Variants in UNC119 observed in about 807,000 individuals in gnomAD.
UNC119 encodes protein unc-119 homolog A.
In UNC119, 15 loss-of-function variants were observed where a neutral mutation model predicts 22.6. The ratio of observed to expected loss-of-function variants is 0.66; its 90% CI spans 0.44 to 1.02. UNC119 has a LOEUF of 1.02. UNC119 is among the 50% of genes least tolerant of loss of function. UNC119 has a pLI of 0.00. For missense variants in UNC119, 322 were observed against 336.0 expected (o/e 0.96, Z 0.33); for synonymous variants, 138 against 139.4 (o/e 0.99, Z 0.07).
At chr17:28,552,273 C>T (rs561447920) in intron 1 of UNC119, 65 bp downstream of exon 1, 3 of 1,449,806 alleles carry the variant, frequency 2.1e-6, no homozygotes, top group Non-Finnish European at 9.3e-7. Context: ...CTTGGCGCGC[C>T]GGGAGGGCCC....
Position 28,548,124 on chromosome 17 carries a change from C to T in UNC119, c.335-23G>A, listed in dbSNP as rs187594391. On this transcript the variant is annotated intron_variant, in intron 2 of 4. Transcript: ENST00000335765. ...GTTCTGCAATGTACCCCAGCTGGGGCTCAGTGGGCTTCAGGCTGGGCCCTT... is the reference window on the plus strand; with the variant it reads ...GTTCTGCAATGTACCCCAGCTGGGGTTCAGTGGGCTTCAGGCTGGGCCCTT... 2.4e-4 allele frequency: 388 copies of T among 1,597,922 alleles called. No individual in the cohort carries two copies. In the African/African-American group the frequency reaches 4.5e-3, roughly 19 times the overall value.
At chr17:28,548,159 G>C (rs2070232237) in intron 2 of UNC119, 58 bp from the exon 3 acceptor site, 1 of 1,521,284 alleles carries the variant, frequency 6.6e-7, no homozygotes, top group African/African-American at 1.4e-5. Flanking sequence ...TGTCCACCCA[G>C]GGTTCTACCC....
At chr17:28,547,951 C>T (rs1315036080) in intron 3 of UNC119, 48 bp downstream of exon 3, 1 of 1,613,060 alleles carries the variant, frequency 6.2e-7, no homozygotes, top group Non-Finnish European at 8.5e-7. Flanking sequence ...AGGGCCCACT[C>T]ACACCCTCTC....
chr17:28,551,029 C>T (rs947077176), intron 1 of UNC119: 1 of 152,286 alleles, frequency 6.6e-6, no homozygotes, highest in Non-Finnish European at 1.5e-5. Flanking sequence ...GAGCTCAGTA[C>T]TCTGGGGGCC....
Position 28,549,153 on chromosome 17 carries a change from G to A in UNC119, c.221-448C>T, listed in dbSNP as rs80068005. The A allele has an allele frequency of 8.7e-3, 1,493 of 171,408 alleles. 17 individuals carry two copies. The highest frequency in any genetic ancestry group is 0.031 in the African/African-American group (1,295 of 42,012). 10.6% of individuals were successfully genotyped at this position (171,408 alleles called of 1,614,324 possible). A position where few individuals can be genotyped will look rare whatever the true frequency, so the allele number is the denominator to read the frequency against. The stretch of plus-strand genomic sequence containing the variant: ...GACCTGTCTCTTCTACTGCAACTCA[G>A]TGTATCAACTTCTCTGGTACCCTGC... On this transcript the variant is annotated intron_variant, in intron 1 of 4. Transcript: ENST00000335765.
In UNC119 at chr17:28,548,078, C is replaced by A. The variant is rs912762781; in HGVS notation, c.358G>T (p.Asp120Tyr). Reference sequence around the variant, plus strand: ...AAGCGCCCAGCATTGGGGTCCAGGTCCCGCCGGTTGATGGGCAACCGTTCT... The same window carrying A: ...AAGCGCCCAGCATTGGGGTCCAGGTACCGCCGGTTGATGGGCAACCGTTCT... ...VSERLPINRR[D>Y]LDPNAGRFVR... The change falls in exon 3 of 5, where the codon GAC becomes TAC. Residue 120 changes from aspartate to tyrosine, a missense_variant. Transcript: ENST00000335765. 7 of 1,613,604 alleles carry A rather than the reference C, an allele frequency of 4.3e-6. No individual in the cohort carries two copies. The South Asian group carries it at 4.4e-5, about 10-fold the overall frequency.
Position 28,552,567 on chromosome 17 carries a change from G to A in UNC119, c.-10C>T, listed in dbSNP as rs773467922. ...CCTTCTTCACCTTCATGGCCTTGCGGGGCCGAGGCTCGCCTGCTGCTGCCG... is the reference window on the plus strand; with the variant it reads ...CCTTCTTCACCTTCATGGCCTTGCGAGGCCGAGGCTCGCCTGCTGCTGCCG... On this transcript the variant is annotated 5_prime_UTR_variant, in exon 1 of 5. Transcript: ENST00000335765. 2.1e-5 allele frequency: 32 copies of A among 1,507,860 alleles called. No homozygotes were observed. The highest frequency in any genetic ancestry group is 2.6e-5 in the Non-Finnish European group (30 of 1,137,224). The allele number at this position is 1,507,860 out of a possible 1,614,324, so 93.4% of individuals were successfully genotyped here.
rs1236967314 is a variant in UNC119, at chr17:28,548,030, C to T, written c.406G>A (p.Ala136Thr). 55 of 1,613,784 alleles carry T rather than the reference C, an allele frequency of 3.4e-5. No individual in the cohort carries two copies. The highest frequency in any genetic ancestry group is 4.7e-5 in the Non-Finnish European group (55 of 1,180,036). Residue 136 changes from alanine (A) to threonine (T), a missense_variant, in exon 3 of 5, where the codon GCC (alanine) becomes ACC (threonine). Coordinates refer to ENST00000335765, the MANE Select transcript of UNC119 (RefSeq NM_005148.4). ...CCCACCTGCCTCAGGCGGAGGAAGGCAGGCGTGAACTGGTAGCGGACAAAG... is the reference window on the plus strand; with the variant it reads ...CCCACCTGCCTCAGGCGGAGGAAGGTAGGCGTGAACTGGTAGCGGACAAAG... ...GRFVRYQFTP[A>T]FLRLRQVGAT... is the part of the protein sequence containing the mutation.
At position 28,547,718 on chromosome 17, in the gene UNC119, C is replaced by A; in HGVS notation, c.569G>T (p.Cys190Phe). Residue 190 changes from cysteine (C) to phenylalanine (F), a missense_variant, in exon 4 of 5, where the codon TGC (cysteine) becomes TTC (phenylalanine). Physicochemically the swap from Cys to Phe is radical, Grantham distance 205. Coordinates refer to ENST00000335765, the MANE Select transcript of UNC119 (RefSeq NM_005148.4). ...AGGGGGGAAGTCGTAAATGTGCTCG[C>A]AGGTGTTCTTGCTGCTGGGGATGCA... The part of the protein sequence containing the change: ...GFCIPSSKNT[C>F]EHIYDFPPLS... 1 of 1,614,224 alleles carries A rather than the reference C, an allele frequency of 6.2e-7. No individual in the cohort carries two copies. Among genetic ancestry groups the A allele is most frequent in the Non-Finnish European group, 8.5e-7 (1 of 1,180,038 alleles).
chr17:28,547,210 A>G lies in UNC119; in HGVS notation c.*87T>C, dbSNP rs2070214889. On this transcript the variant is annotated 3_prime_UTR_variant, in exon 5 of 5. Coordinates refer to ENST00000335765, the MANE Select transcript of UNC119 (RefSeq NM_005148.4). Reference sequence around the variant, plus strand: ...AGCTCCTGGAGAACTCCCCAAGCAGAGGACTTGGGGTTGAGGGGTGAGCGT... The same window carrying G: ...AGCTCCTGGAGAACTCCCCAAGCAGGGGACTTGGGGTTGAGGGGTGAGCGT... 3 of 1,498,024 alleles carry G rather than the reference A, an allele frequency of 2.0e-6. No individual in the cohort carries two copies. The highest frequency in any genetic ancestry group is 2.8e-6 in the Non-Finnish European group (3 of 1,087,572). 92.8% of individuals were successfully genotyped at this position (1,498,024 alleles called of 1,614,324 possible). A position where few individuals can be genotyped will look rare whatever the true frequency, so the allele number is the denominator to read the frequency against.
Position 28,547,186 on chromosome 17 carries a change from GC to G in UNC119, c.*110del, listed in dbSNP as rs1188461039. On this transcript the variant is annotated 3_prime_UTR_variant, in exon 5 of 5. Transcript: ENST00000335765. Reference sequence around the variant, plus strand: ...TCCCAACATTGACTCAGGGTCCGGAGCTCCTGGAGAACTCCCCAAGCAGAGG... The same window carrying G: ...TCCCAACATTGACTCAGGGTCCGGAGTCCTGGAGAACTCCCCAAGCAGAGG... 7.6e-7 allele frequency: 1 copy of G among 1,321,510 alleles called. No individual in the cohort carries two copies. Among genetic ancestry groups the G allele is most frequent in the Non-Finnish European group, 1.1e-6 (1 of 940,102 alleles). The allele number at this position is 1,321,510 out of a possible 1,614,324, so 81.9% of individuals were successfully genotyped here.
chr17:28,548,773 G>A, intron 1 of UNC119, 68 bp from the exon 2 acceptor site: 1 of 1,251,346 alleles, frequency 8.0e-7, no homozygotes, highest in South Asian at 1.2e-5. Flanking sequence ...AGCTTGTGTG[G>A]GACCCCAGAG....
At position 28,548,662 on chromosome 17, in the gene UNC119, A is replaced by G. The variant is rs2151507992; in HGVS notation, c.264T>C (p.Phe88=). ...CCATGTCCCGAATCTTAAACCTGAC[A>G]AAGTCGATCTTGTAGATATTCTCCT... ...SPEENIYKID[F]VRFKIRDMDS... Residue 88 remains phenylalanine (F), a synonymous_variant, in exon 2 of 5, where the codon TTT becomes TTC. Transcript: ENST00000335765. The G allele has an allele frequency of 6.2e-7, 1 of 1,614,166 alleles. No homozygotes were observed. The highest frequency in any genetic ancestry group is 1.7e-5 in the Admixed American group (1 of 60,026).
chr17:28,552,237 G>A (rs2070280832), intron 1 of UNC119, 101 bp downstream of exon 1: 1 of 1,132,730 alleles, frequency 8.8e-7, no homozygotes, highest in South Asian at 1.5e-5. Flanking sequence ...GGGGAGGGGA[G>A]GCGGGAAAGG....
In UNC119 at chr17:28,552,496, G is replaced by A. The variant is rs756869441; in HGVS notation, c.62C>T (p.Ser21Leu). 3 of 1,567,936 alleles carry A rather than the reference G, an allele frequency of 1.9e-6. No homozygotes were observed. Among genetic ancestry groups the A allele is most frequent in the East Asian group, 2.4e-5 (1 of 41,270 alleles). Reference protein sequence around the residue: ...GTATESAPGPSGQSVAPIPQP... With the variant: ...GTATESAPGPLGQSVAPIPQP... ...TGGTATGGGGGCCACGCTCTGGCCC[G>A]AGGGCCCCGGAGCGGACTCCGTCGC... The change falls in exon 1 of 5, where the codon TCG becomes TTG. Residue 21 changes from serine to leucine, a missense_variant. Coordinates refer to ENST00000335765, the MANE Select transcript of UNC119 (RefSeq NM_005148.4).
Position 28,547,390 on chromosome 17 carries a change from G to C in UNC119, c.630C>G (p.His210Gln), listed in dbSNP as rs1457806078. Residue 210 changes from histidine to glutamine, a missense_variant, in exon 5 of 5, where the codon CAC becomes CAG. Coordinates refer to ENST00000335765, the MANE Select transcript of UNC119 (RefSeq NM_005148.4). ...SEELISEMIR[H>Q]PYETQSDSFY... is the part of the protein sequence containing the mutation. ...AGCTGTCAGACTGGGTCTCATACGGGTGGCGGATCATCTCGCTGACTGCAA... is the reference window on the plus strand; with the variant it reads ...AGCTGTCAGACTGGGTCTCATACGGCTGGCGGATCATCTCGCTGACTGCAA... 1 of 1,614,242 alleles carries C rather than the reference G, an allele frequency of 6.2e-7. No homozygotes were observed. Among genetic ancestry groups the C allele is most frequent in the Admixed American group, 1.7e-5 (1 of 60,024 alleles).
At chr17:28,551,766 A>T in intron 1 of UNC119, 1 of 185,582 alleles carries the variant, frequency 5.4e-6, no homozygotes, top group Admixed American at 6.1e-5. Context: ...GAGGGACATT[A>T]TGCCACTCCC....
intron 1 of UNC119, 125 bp from the exon 2 acceptor site, chr17:28,548,830 G>GGCAGT: frequency 1.4e-6 from 1 of 732,400 alleles, no homozygotes; most frequent in Non-Finnish European, 2.3e-6. Flanking sequence ...CTGGAAAGAG[G>GGCAGT]GACCTCAGTC....
chr17:28,550,035 G>A (rs1189785482), intron 1 of UNC119: 4 of 152,210 alleles, frequency 2.6e-5, no homozygotes. Flanking sequence ...CAAGCCTGAC[G>A]CTGTCCCCTC....
Sources: gnomAD v4.1 joint callset for allele counts on GRCh38, gnomAD v4.1.1 for gene constraint, MANE v1.5 for transcripts, NCBI Gene and HGNC (gene_info 2026-07-23, HGNC 2026-07-21) for gene names.